GDPD4: variants seen among roughly 807,000 people sequenced by gnomAD.
The protein encoded by GDPD4 is glycerophosphodiester phosphodiesterase domain containing 4.
In GDPD4, 60 loss-of-function variants were observed where a neutral mutation model predicts 67.8. The ratio of observed to expected loss-of-function variants is 0.88; its 90% CI spans 0.72 to 1.10. The LOEUF (loss-of-function observed/expected upper bound fraction) is 1.10, where lower values mean the gene tolerates loss of function less well. Ranked by LOEUF, GDPD4 falls within the 50% of genes least tolerant of loss-of-function variation. The pLI is 0.00. For synonymous variants in GDPD4, 212 were observed against 210.9 expected (o/e 1.00, Z -0.04); for missense variants, 623 against 613.9 (o/e 1.01, Z -0.16).
intron 11 of GDPD4, among the ~76,000 whole-genome samples, chr11:77,257,624 C>T (rs1164059015): frequency 6.7e-6 from 1 of 150,262 alleles, no homozygotes; most frequent in Non-Finnish European, 1.5e-5. Flanking sequence ...CTCTGAAACA[C>T]ATCATCATTA....
At chr11:77,266,201 T>C (rs1205096290) in intron 10 of GDPD4, among the ~76,000 whole-genome samples, 3 of 152,162 alleles carry the variant, frequency 2.0e-5, no homozygotes, top group Non-Finnish European at 4.4e-5. Flanking sequence ...CTGGGGTGTA[T>C]GGTAAGTATA....
chr11:77,282,693 A>C (rs34420077), intron 3 of GDPD4, among the ~76,000 whole-genome samples: 52,175 of 151,682 alleles, frequency 0.34, 9,223 homozygotes, highest in Admixed American at 0.46. Flanking sequence ...CCTCAAAAAA[A>C]AACAACAACA....
intron 13 of GDPD4, among the ~76,000 whole-genome samples, chr11:77,234,418 A>T (rs145083040): frequency 6.6e-6 from 1 of 152,330 alleles, no homozygotes; most frequent in East Asian, 1.9e-4. Flanking sequence ...GATATATTGC[A>T]TGATACTGAG....
At chr11:77,260,382 A>G (rs534337068) in intron 10 of GDPD4, among the ~76,000 whole-genome samples, 31 of 152,272 alleles carry the variant, frequency 2.0e-4, no homozygotes, top group Non-Finnish European at 3.4e-4. Flanking sequence ...TAGATCCTCT[A>G]AAAAAGAGCT....
chr11:77,296,209 C>CCA (rs1482780847), intron 1 of GDPD4, among the ~76,000 whole-genome samples: 1 of 146,474 alleles, frequency 6.8e-6, no homozygotes, highest in Non-Finnish European at 1.5e-5. Flanking sequence ...AGAGATCGCG[C>CCA]CACTGCACTC....
At chr11:77,248,193 C>A in intron 11 of GDPD4, among the ~76,000 whole-genome samples, 1 of 150,366 alleles carries the variant, frequency 6.7e-6, no homozygotes, top group African/African-American at 2.4e-5. Flanking sequence ...AACAACAATA[C>A]AATTTTCTTT....
chr11:77,245,470 T>C lies in GDPD4; in HGVS notation c.897A>G (p.Ser299=). 1.9e-6 allele frequency: 3 copies of C among 1,613,978 alleles called. No homozygotes were observed. The highest frequency in any genetic ancestry group is 1.7e-4 in the Middle Eastern group (1 of 6,060). The part of the protein sequence containing the change: ...LRPFYNMKPL[S]EADKERARNQ... ...TTCTTGCTCTTTCTTTATCTGCCTC[T>C]GATAGAGGTTTCATATTGTAAAATG... The change falls in exon 12 of 17, where the codon TCA becomes TCG. Residue 299 remains serine (S), a synonymous_variant. Coordinates refer to ENST00000315938, the MANE Select transcript of GDPD4 (RefSeq NM_182833.3).
At chr11:77,273,232 G>A (rs1483239944) in intron 5 of GDPD4, among the ~76,000 whole-genome samples, 1 of 152,046 alleles carries the variant, frequency 6.6e-6, no homozygotes, top group South Asian at 2.1e-4. Flanking sequence ...TCTAGGCCTC[G>A]TGCTAATGCT....
chr11:77,280,117 G>A (rs562851254), intron 3 of GDPD4, among the ~76,000 whole-genome samples: 1 of 152,088 alleles, frequency 6.6e-6, no homozygotes, highest in East Asian at 1.9e-4. Flanking sequence ...AACAGGCAAA[G>A]AGCCTTAACT....
At chr11:77,235,009 G>GTTTTTTTGTTTTTTTTTTTT (rs1958525203) in intron 13 of GDPD4, among the ~76,000 whole-genome samples, 1 of 52,254 alleles carries the variant, frequency 1.9e-5, no homozygotes, top group South Asian at 1.3e-3. Context: ...GTCAATATCT[G>GTTTTTTTGTTTTTTTTTTTT]TTTTTTTTTT....
At chr11:77,245,811 C>T (rs946372130) in intron 11 of GDPD4, among the ~76,000 whole-genome samples, 1 of 152,188 alleles carries the variant, frequency 6.6e-6, no homozygotes, top group African/African-American at 2.4e-5. Context: ...CCTTTTCAGT[C>T]ACGCTGGCTT....
At chr11:77,223,707 G>C (rs112298614) in intron 16 of GDPD4, among the ~76,000 whole-genome samples, 2,440 of 152,188 alleles carry the variant, frequency 0.016, 24 homozygotes, top group African/African-American at 0.025. Flanking sequence ...ACTGTGCTGA[G>C]AGAACCACTA....
intron 4 of GDPD4, among the ~76,000 whole-genome samples, chr11:77,277,096 G>T (rs1167750547): frequency 6.6e-6 from 1 of 151,596 alleles, no homozygotes; most frequent in Non-Finnish European, 1.5e-5. Flanking sequence ...TTGCTTTATT[G>T]GACACCTGAA....
chr11:77,291,359 G>C (rs904363751), intron 1 of GDPD4, among the ~76,000 whole-genome samples: 2 of 152,172 alleles, frequency 1.3e-5, no homozygotes, highest in Non-Finnish European at 2.9e-5. Context: ...ATTACCGGAG[G>C]CTGGGAAGGA....
chr11:77,239,649 A>G (rs1591538223), intron 13 of GDPD4, among the ~76,000 whole-genome samples: 1 of 152,288 alleles, frequency 6.6e-6, no homozygotes, highest in East Asian at 1.9e-4. Flanking sequence ...AGATCTGTAC[A>G]CTAAAAACTA....
intron 16 of GDPD4, among the ~76,000 whole-genome samples, chr11:77,219,048 A>T (rs1279105660): frequency 6.6e-6 from 1 of 152,080 alleles, no homozygotes; most frequent in Admixed American, 6.6e-5. Flanking sequence ...CCTCTCCAGC[A>T]CCTGTTGTTT....
At chr11:77,240,140 A>AAT (rs66599122) in intron 13 of GDPD4, among the ~76,000 whole-genome samples, 1 of 151,504 alleles carries the variant, frequency 6.6e-6, no homozygotes, top group African/African-American at 2.4e-5. Flanking sequence ...TAAAAAAAAA[A>AAT]TCCTTAAATT....
intron 10 of GDPD4, among the ~76,000 whole-genome samples, chr11:77,261,078 G>A (rs971849810): frequency 6.6e-5 from 10 of 152,132 alleles, no homozygotes; most frequent in Admixed American, 6.5e-4. Flanking sequence ...CCAAACTAAT[G>A]TCTTCAAATT....
intron 13 of GDPD4, among the ~76,000 whole-genome samples, chr11:77,238,832 A>C (rs2135837796): frequency 6.6e-6 from 1 of 152,288 alleles, no homozygotes; most frequent in Middle Eastern, 3.4e-3. Flanking sequence ...GAATAATTCC[A>C]AACTCATTTT....
Sources: allele counts gnomAD v4.1 joint callset (sites outside exome capture counted in the v4.1 genomes callset), GRCh38; gene constraint gnomAD v4.1.1; transcripts MANE v1.5; gene names NCBI Gene and HGNC (gene_info 2026-07-23, HGNC 2026-07-21).